Variants in RCAN1 observed in about 807,000 individuals in gnomAD.
RCAN1 encodes calcipressin-1.
RCAN1 carries 11 observed loss-of-function variants against 22.9 expected under a neutral mutation model. The ratio of observed to expected loss-of-function variants is 0.48; its 90% CI spans 0.30 to 0.79. The LOEUF (loss-of-function observed/expected upper bound fraction) is 0.79, where lower values mean the gene tolerates loss of function less well. RCAN1 is among the 30% of genes least tolerant of loss of function. The pLI is 0.06. For missense variants in RCAN1, 291 were observed against 337.8 expected, an observed-to-expected ratio of 0.86 and a Z score of 1.09; for synonymous variants, 136 against 142.3, an observed-to-expected ratio of 0.96 and a Z score of 0.32.
At chr21:34,541,703 G>A (rs1198249409) in intron 1 of RCAN1, among the ~76,000 whole-genome samples, 1 of 152,228 alleles carries the variant, frequency 6.6e-6, no homozygotes, top group Non-Finnish European at 1.5e-5. Flanking sequence ...GGGAGGCCGA[G>A]GTGGGTGGAT....
At chr21:34,563,820 G>GAGAGAGAGAGAGA (rs1986903138) in intron 1 of RCAN1, among the ~76,000 whole-genome samples, 3 of 134,434 alleles carry the variant, frequency 2.2e-5, no homozygotes, top group Admixed American at 7.4e-5. Flanking sequence ...GAGAGAGAGA[G>GAGAGAGAGAGAGA]GCAGGCATGG....
intron 1 of RCAN1, among the ~76,000 whole-genome samples, chr21:34,535,831 C>CT (rs201073056): frequency 8.3e-4 from 121 of 145,500 alleles, no homozygotes; most frequent in Middle Eastern, 3.6e-3. Context: ...ATGCTAAAGA[C>CT]TTTTTTTTTA....
chr21:34,555,987 C>T (rs141570105), intron 1 of RCAN1, among the ~76,000 whole-genome samples: 18,006 of 150,904 alleles, frequency 0.12, 1,079 homozygotes, highest in Middle Eastern at 0.16. Flanking sequence ...GGTGTGAACC[C>T]GGGAGGCAGA....
At position 34,536,251 on chromosome 21, in the gene RCAN1, G is replaced by A. The variant is rs144819921; in HGVS notation, c.253-12541C>T. On this transcript the variant is annotated intron_variant, in intron 1 of 3. Transcript: ENST00000313806. Reference sequence around the variant, plus strand: ...GGCAACATTTATTTGGAGATTACTGGGGCCAAAGCCACCCTAATTAATTAC... The same window carrying A: ...GGCAACATTTATTTGGAGATTACTGAGGCCAAAGCCACCCTAATTAATTAC... Among the ~76,000 whole-genome samples, 395 of 152,260 alleles carry A rather than the reference G, an allele frequency of 2.6e-3. 5 individuals are homozygous for A. The highest frequency in any genetic ancestry group is 8.8e-3 in the African/African-American group (366 of 41,552).
At chr21:34,607,039 C>T (rs892152184) in intron 1 of RCAN1, among the ~76,000 whole-genome samples, 5 of 152,104 alleles carry the variant, frequency 3.3e-5, no homozygotes, top group Admixed American at 3.3e-4. Context: ...GAATTCAGGC[C>T]GACCTCAGAT....
chr21:34,544,989 A>C (rs1217893381), intron 1 of RCAN1, among the ~76,000 whole-genome samples: 8 of 152,178 alleles, frequency 5.3e-5, no homozygotes, highest in Admixed American at 5.2e-4. Context: ...TTCTGACTTC[A>C]CTTCTGCAAA....
At chr21:34,610,025 C>T (rs767310704) in intron 1 of RCAN1, among the ~76,000 whole-genome samples, 1 of 152,178 alleles carries the variant, frequency 6.6e-6, no homozygotes. Flanking sequence ...AAACCGCATG[C>T]CTCACCCTCA....
chr21:34,614,628 C>A lies in RCAN1; in HGVS notation c.252+132G>T, dbSNP rs1032629447. The stretch of plus-strand genomic sequence containing the variant: ...GCCCCAGCCCTGACGGGTCCGCGGC[C>A]GAGCAGCCCGGGGGACGTCGCTGCC... On this transcript the variant is annotated intron_variant, in intron 1 of 3. Transcript: ENST00000313806. This position sits in a 1 kb window ranked among gnomAD's most constrained non-coding sequence, Gnocchi z 6.0. 2 of 1,091,520 alleles carry A rather than the reference C, an allele frequency of 1.8e-6. No homozygotes were observed. Among genetic ancestry groups the A allele is most frequent in the African/African-American group, 3.3e-5 (2 of 59,914 alleles). 67.6% of individuals were successfully genotyped at this position (1,091,520 alleles called of 1,614,324 possible).
intron 1 of RCAN1, among the ~76,000 whole-genome samples, chr21:34,555,577 A>AAT (rs1555860822): frequency 6.6e-6 from 1 of 150,970 alleles, no homozygotes; most frequent in Non-Finnish European, 1.5e-5. Flanking sequence ...GTCTCAAAAA[A>AAT]AAAAATAAAT....
chr21:34,609,013 A>T (rs951336562), intron 1 of RCAN1, among the ~76,000 whole-genome samples: 2 of 152,230 alleles, frequency 1.3e-5, no homozygotes, highest in African/African-American at 4.8e-5. Context: ...GAAAATAAAT[A>T]AAAAACCTAC....
chr21:34,536,041 G>A (rs1985656503), intron 1 of RCAN1, among the ~76,000 whole-genome samples: 1 of 151,822 alleles, frequency 6.6e-6, no homozygotes, highest in Non-Finnish European at 1.5e-5. Flanking sequence ...AATTCCATGT[G>A]CGCTCAGAAT....
Position 34,614,258 on chromosome 21 carries a change from G to A in RCAN1, c.252+502C>T. 1.0e-6 allele frequency: 1 copy of A among 995,898 alleles called. No individual in the cohort carries two copies. Among genetic ancestry groups the A allele is most frequent in the South Asian group, 4.7e-5 (1 of 21,426 alleles). The allele number at this position is 995,898 out of a possible 1,614,324, so 61.7% of individuals were successfully genotyped here. A position where few individuals can be genotyped will look rare whatever the true frequency, so the allele number is the denominator to read the frequency against. On this transcript the variant is annotated intron_variant, in intron 1 of 3. Coordinates refer to ENST00000313806, the MANE Select transcript of RCAN1 (RefSeq NM_004414.7). The surrounding 1 kb of genome is among the most constrained non-coding windows in gnomAD (Gnocchi z 6.0). ...CAAAACTGGCCAGCCGCTGGCTAATGAGCAACCACGGATCCTCACCCAAAC... is the reference window on the plus strand; with the variant it reads ...CAAAACTGGCCAGCCGCTGGCTAATAAGCAACCACGGATCCTCACCCAAAC...
chr21:34,546,413 GT>G (rs923319218), intron 1 of RCAN1, among the ~76,000 whole-genome samples: 1 of 144,216 alleles, frequency 6.9e-6, no homozygotes, highest in Non-Finnish European at 1.5e-5. Context: ...TATTTTCTTT[GT>G]TTCAAACGAA....
At chr21:34,561,067 T>A (rs1986773669) in intron 1 of RCAN1, among the ~76,000 whole-genome samples, 1 of 152,168 alleles carries the variant, frequency 6.6e-6, no homozygotes, top group Non-Finnish European at 1.5e-5. Flanking sequence ...TAAGTGCCTA[T>A]CATTTCCCCT....
At chr21:34,566,550 C>A (rs1312139541) in intron 1 of RCAN1, among the ~76,000 whole-genome samples, 1 of 125,016 alleles carries the variant, frequency 8.0e-6, no homozygotes, top group Admixed American at 7.6e-5. Flanking sequence ...AAGACCCAGG[C>A]CTTACCTGAA....
At chr21:34,520,182 G>A (rs3787718) in intron 3 of RCAN1, among the ~76,000 whole-genome samples, 2,701 of 152,246 alleles carry the variant, frequency 0.018, 111 homozygotes, top group Admixed American at 0.091. Context: ...ATTTTATTAC[G>A]TCTATTTCCT....
At chr21:34,597,153 C>T (rs967120790) in intron 1 of RCAN1, among the ~76,000 whole-genome samples, 3 of 152,224 alleles carry the variant, frequency 2.0e-5, no homozygotes, top group Non-Finnish European at 2.9e-5. Flanking sequence ...GCGAGGAACC[C>T]GTGCAGCCCA....
intron 1 of RCAN1, among the ~76,000 whole-genome samples, chr21:34,603,284 G>A (rs1326787907): frequency 1.3e-5 from 2 of 152,096 alleles, no homozygotes; most frequent in African/African-American, 4.8e-5. Context: ...AAGCTCTCCG[G>A]CCCCTCCACA....
intron 1 of RCAN1, among the ~76,000 whole-genome samples, chr21:34,570,224 G>C (rs1987187320): frequency 1.3e-5 from 2 of 152,204 alleles, no homozygotes; most frequent in Non-Finnish European, 2.9e-5. Flanking sequence ...TTCTAAAGAT[G>C]TAGAGGTTAA....
Sources: allele counts gnomAD v4.1 joint callset (sites outside exome capture counted in the v4.1 genomes callset), GRCh38; gene constraint gnomAD v4.1.1; non-coding constraint Gnocchi (gnomAD v3.1); transcripts MANE v1.5; gene names NCBI Gene and HGNC (gene_info 2026-07-23, HGNC 2026-07-21).